Variants in FANCC observed in about 807,000 individuals in gnomAD.
FANCC encodes Fanconi anemia group C protein.
In FANCC, 55 loss-of-function variants were observed where a neutral mutation model predicts 71.3. That is an observed-to-expected ratio of 0.77 (90% CI 0.62 to 0.97). The LOEUF is 0.97. Among genes scored for constraint, FANCC ranks in the 50% least tolerant of loss-of-function variants. The pLI is 0.00. For missense variants in FANCC, 678 were observed against 670.9 expected, an observed-to-expected ratio of 1.01 and a Z score of -0.12; for synonymous variants, 275 against 244.9, an observed-to-expected ratio of 1.12 and a Z score of -1.15.
intron 6 of FANCC, among the ~76,000 whole-genome samples, chr9:95,150,552 T>G (rs1830120190): frequency 6.6e-6 from 1 of 152,198 alleles, no homozygotes; most frequent in Admixed American, 6.5e-5. Context: ...CTAGCCTGGG[T>G]GACAGAGTAG....
chr9:95,147,456 C>T (rs1333026251), intron 7 of FANCC, among the ~76,000 whole-genome samples: 2 of 152,156 alleles, frequency 1.3e-5, no homozygotes, highest in African/African-American at 4.8e-5. Flanking sequence ...GCAGAGGTTG[C>T]GGTGAGCCGA....
chr9:95,223,958 C>CA (rs1829448506), intron 4 of FANCC, among the ~76,000 whole-genome samples: 1 of 152,148 alleles, frequency 6.6e-6, no homozygotes, highest in Admixed American at 6.5e-5. Context: ...GCCTGGGCAA[C>CA]AAGAGTGAAA....
chr9:95,273,039 A>T (rs1193929576), intron 1 of FANCC, among the ~76,000 whole-genome samples: 4 of 152,232 alleles, frequency 2.6e-5, no homozygotes, highest in Non-Finnish European at 5.9e-5. Context: ...CCTGGCACCT[A>T]GACTAATATT....
chr9:95,255,162 T>C (rs1001893384), intron 1 of FANCC, among the ~76,000 whole-genome samples: 1 of 152,094 alleles, frequency 6.6e-6, no homozygotes, highest in Non-Finnish European at 1.5e-5. Context: ...GCCTGCTGGC[T>C]CTGAAGAGAG....
At chr9:95,261,865 G>C (rs1354005710) in intron 1 of FANCC, among the ~76,000 whole-genome samples, 1 of 152,206 alleles carries the variant, frequency 6.6e-6, no homozygotes, top group Non-Finnish European at 1.5e-5. Context: ...TTTCCTGCCA[G>C]GTGGGAGCGG....
chr9:95,287,365 C>G (rs1833753492), intron 1 of FANCC, among the ~76,000 whole-genome samples: 1 of 152,108 alleles, frequency 6.6e-6, no homozygotes, highest in Non-Finnish European at 1.5e-5. Context: ...ATCATTTTTT[C>G]TAAGCATGTG....
chr9:95,158,482 G>C (rs1299512452), intron 6 of FANCC, among the ~76,000 whole-genome samples: 1 of 152,044 alleles, frequency 6.6e-6, no homozygotes, highest in African/African-American at 2.4e-5. Flanking sequence ...GAGGAGAAAA[G>C]ACAAACTGTT....
At chr9:95,150,809 A>G (rs935787421) in intron 6 of FANCC, among the ~76,000 whole-genome samples, 46 of 152,042 alleles carry the variant, frequency 3.0e-4, no homozygotes, top group African/African-American at 1.1e-3. Context: ...GACTGCCCCA[A>G]ATAAAGTCCT....
chr9:95,107,394 G>C (rs1438403951), intron 13 of FANCC, 125 bp from the exon 14 acceptor site: 3 of 1,028,910 alleles, frequency 2.9e-6, no homozygotes, highest in Non-Finnish European at 4.4e-6. Flanking sequence ...GAGAGAGGGA[G>C]CTAGGCAGCG....
chr9:95,247,606 C>T (rs1831070990), intron 2 of FANCC, 90 bp from the exon 3 acceptor site: 1 of 841,368 alleles, frequency 1.2e-6, no homozygotes, highest in African/African-American at 1.7e-5. Context: ...AACGTGAATG[C>T]TTCTTGTTTA....
chr9:95,199,837 A>G (rs924965805), intron 4 of FANCC, among the ~76,000 whole-genome samples: 1 of 152,188 alleles, frequency 6.6e-6, no homozygotes, highest in African/African-American at 2.4e-5. Flanking sequence ...AAAGTTTTAC[A>G]TTTTAAGAAC....
Position 95,172,152 on chromosome 9 carries a change from A to G in FANCC, c.346-5T>C. The G allele has an allele frequency of 6.3e-7, 1 of 1,577,050 alleles. No homozygotes were observed. The highest frequency in any genetic ancestry group is 8.7e-7 in the Non-Finnish European group (1 of 1,147,806). ...AAGTATATGAGATAATACACCCTAAAAAACATAAACAGAAAAAGTTAACTT... is the reference window on the plus strand; with the variant it reads ...AAGTATATGAGATAATACACCCTAAGAAACATAAACAGAAAAAGTTAACTT... On this transcript the variant is annotated splice_polypyrimidine_tract_variant and splice_region_variant and intron_variant, in intron 4 of 14. Coordinates refer to ENST00000289081, the MANE Select transcript of FANCC (RefSeq NM_000136.3).
intron 4 of FANCC, among the ~76,000 whole-genome samples, chr9:95,233,616 T>C (rs1346686750): frequency 1.3e-5 from 2 of 152,046 alleles, no homozygotes; most frequent in Non-Finnish European, 2.9e-5. Context: ...CTTCATGATA[T>C]GTGGATGCAA....
intron 8 of FANCC, among the ~76,000 whole-genome samples, chr9:95,132,239 CCACCCTGA>C (rs1827018874): frequency 6.6e-6 from 1 of 152,178 alleles, no homozygotes; most frequent in Non-Finnish European, 1.5e-5. Context: ...AAGCACAGTG[CCACCCTGA>C]CACCCTGCAG....
At chr9:95,291,549 A>C (rs1002207664) in intron 1 of FANCC, among the ~76,000 whole-genome samples, 1 of 152,186 alleles carries the variant, frequency 6.6e-6, no homozygotes, top group African/African-American at 2.4e-5. Context: ...AGATCTCTAC[A>C]ATGAAAACTA....
intron 14 of FANCC, among the ~76,000 whole-genome samples, chr9:95,102,550 A>G (rs149970311): frequency 2.0e-5 from 3 of 152,382 alleles, no homozygotes; most frequent in African/African-American, 7.2e-5. Context: ...TTGAAAGAGT[A>G]ACCGATATAT....
At position 95,126,521 on chromosome 9, in the gene FANCC, A is replaced by C. The variant is rs1461307292; in HGVS notation, c.896+8T>G. The C allele has an allele frequency of 6.2e-7, 1 of 1,613,544 alleles. No homozygotes were observed. Among genetic ancestry groups the C allele is most frequent in the Non-Finnish European group, 8.5e-7 (1 of 1,179,488 alleles). The stretch of plus-strand genomic sequence containing the variant: ...ATCAATTACTAGAAGAAACAGTGTA[A>C]CGTTTACCTGAACATCTCATCAACA... On this transcript the variant is annotated splice_region_variant and intron_variant, in intron 9 of 14. Transcript: ENST00000289081.
intron 4 of FANCC, among the ~76,000 whole-genome samples, chr9:95,205,784 A>G (rs1377197352): frequency 1.3e-5 from 2 of 152,220 alleles, no homozygotes; most frequent in African/African-American, 4.8e-5. Flanking sequence ...AAAAAATGGA[A>G]AGTAGAAGAA....
At chr9:95,168,096 C>T (rs1413566777) in intron 6 of FANCC, among the ~76,000 whole-genome samples, 3 of 152,166 alleles carry the variant, frequency 2.0e-5, no homozygotes, top group Non-Finnish European at 4.4e-5. Context: ...TCAAGAGCTC[C>T]TAATCTTCCC....
Sources: allele counts gnomAD v4.1 joint callset (sites outside exome capture counted in the v4.1 genomes callset), GRCh38; gene constraint gnomAD v4.1.1; transcripts MANE v1.5; gene names NCBI Gene and HGNC (gene_info 2026-07-23, HGNC 2026-07-21).